WDPCP: variants seen among roughly 807,000 people sequenced by gnomAD.
WDPCP encodes the protein WD repeat containing planar cell polarity effector.
In WDPCP, 71 loss-of-function variants were observed where a neutral mutation model predicts 93.1. The ratio of observed to expected loss-of-function variants is 0.76; its 90% CI spans 0.63 to 0.93. The LOEUF (loss-of-function observed/expected upper bound fraction) is 0.93. WDPCP is among the 40% of genes least tolerant of loss of function. WDPCP has a pLI of 0.00. For synonymous variants in WDPCP, 315 were observed against 315.0 expected, an observed-to-expected ratio of 1.00 and a Z score of 0.00; for missense variants, 844 against 887.4, an observed-to-expected ratio of 0.95 and a Z score of 0.62.
chr2:63,809,133 C>T (rs1229637130), intron 2 of WDPCP, among the ~76,000 whole-genome samples: 52 of 149,596 alleles, frequency 3.5e-4, no homozygotes, highest in Admixed American at 3.2e-3. Flanking sequence ...AAGTGAGGAG[C>T]CCCTCCGCCC....
intron 14 of WDPCP, among the ~76,000 whole-genome samples, chr2:63,231,430 C>A (rs889266097): frequency 6.6e-6 from 1 of 152,084 alleles, no homozygotes; most frequent in Admixed American, 6.6e-5. Flanking sequence ...TTTAGAAAAC[C>A]CCATCATCTC....
At chr2:63,363,176 C>T (rs1489987845) in intron 12 of WDPCP, among the ~76,000 whole-genome samples, 1 of 151,988 alleles carries the variant, frequency 6.6e-6, no homozygotes, top group Non-Finnish European at 1.5e-5. Context: ...ATATCACTTC[C>T]ACTTTGCAAT....
At chr2:63,749,111 G>T (rs1246552647) in intron 2 of WDPCP, among the ~76,000 whole-genome samples, 1 of 152,054 alleles carries the variant, frequency 6.6e-6, no homozygotes, top group East Asian at 1.9e-4. Flanking sequence ...ACAAGAAAGG[G>T]ATGGGTTTAT....
At chr2:63,606,089 A>G in intron 3 of WDPCP, 1 of 1,461,434 alleles carries the variant, frequency 6.8e-7, no homozygotes, top group Non-Finnish European at 9.6e-7. Flanking sequence ...TCTCTTAAGA[A>G]TGGTATTATT....
chr2:63,458,622 C>A lies in WDPCP; in HGVS notation c.385-18751G>T, dbSNP rs746536200. Among the ~76,000 whole-genome samples the A allele has an allele frequency of 2.0e-5, 3 of 152,078 alleles. No individual in the cohort carries two copies. In the East Asian group the frequency reaches 5.8e-4, roughly 29 times the overall value. ...AAACAAGTGAAAAGAAAATACCATG[C>A]TCATGGATTAAAAGAATTAACATAG... is the stretch of plus-strand genomic sequence containing the variant. On this transcript the variant is annotated intron_variant, in intron 6 of 17. Coordinates refer to ENST00000272321, the MANE Select transcript of WDPCP (RefSeq NM_015910.7).
intron 12 of WDPCP, among the ~76,000 whole-genome samples, chr2:63,354,714 ATGTGTGTGTG>A (rs150962868): frequency 6.7e-6 from 1 of 149,854 alleles, no homozygotes; most frequent in African/African-American, 2.5e-5. Flanking sequence ...GTATATATGT[ATGTGTGTGTG>A]TGTGTGTGTG....
chr2:63,484,590 T>A lies in WDPCP; in HGVS notation c.384+14A>T. Reference sequence around the variant, plus strand: ...ATTGGTTAAACACTGCAAAGGCTTGTCAAATCATTTTACCTGACAGACATA... The same window carrying A: ...ATTGGTTAAACACTGCAAAGGCTTGACAAATCATTTTACCTGACAGACATA... On this transcript the variant is annotated intron_variant, in intron 6 of 17. Transcript: ENST00000272321. 1 of 1,612,664 alleles carries A rather than the reference T, an allele frequency of 6.2e-7. No individual in the cohort carries two copies. Among genetic ancestry groups the A allele is most frequent in the Non-Finnish European group, 8.5e-7 (1 of 1,179,064 alleles).
intron 1 of WDPCP, among the ~76,000 whole-genome samples, chr2:63,570,081 T>G (rs1031735970): frequency 1.3e-5 from 2 of 152,194 alleles, no homozygotes; most frequent in Non-Finnish European, 2.9e-5. Flanking sequence ...GTGCTGAGAC[T>G]AAAATCACAA....
intron 1 of WDPCP, among the ~76,000 whole-genome samples, chr2:63,820,233 T>C (rs958544109): frequency 3.3e-5 from 5 of 151,512 alleles, no homozygotes; most frequent in African/African-American, 1.2e-4. Context: ...ATGAATAGTT[T>C]AGTTAGGAAC....
intron 2 of WDPCP, among the ~76,000 whole-genome samples, chr2:63,673,631 T>C (rs1710371855): frequency 6.6e-6 from 1 of 152,080 alleles, no homozygotes. Context: ...GAAAAGCACA[T>C]CTCCATGCCC....
At chr2:63,243,256 T>C (rs4453673) in intron 14 of WDPCP, among the ~76,000 whole-genome samples, 58,127 of 152,000 alleles carry the variant, frequency 0.38, 13,182 homozygotes, top group Non-Finnish European at 0.5. Flanking sequence ...GAGTGTCTCA[T>C]TGTGGTTTTG....
At chr2:63,379,962 T>C (rs1024879560) in intron 11 of WDPCP, among the ~76,000 whole-genome samples, 2 of 152,182 alleles carry the variant, frequency 1.3e-5, no homozygotes, top group African/African-American at 4.8e-5. Context: ...ACAAGCTTTT[T>C]ATTTCCCTAT....
rs140269206 is a variant in WDPCP at position 63,657,162 on chromosome 2, T to C, written n.309-6324A>G. Among the ~76,000 whole-genome samples the C allele has an allele frequency of 3.2e-3, 478 of 148,062 alleles. 3 individuals carry two copies. The highest frequency in any genetic ancestry group is 0.014 in the Middle Eastern group (4 of 280). On this transcript the variant is annotated intron_variant and non_coding_transcript_variant, in intron 2 of 4. Coordinates refer to the WDPCP transcript ENST00000467687. ...TTATTATAATTATGGCTGTGAATTATTGGGGAGGGTTTTGCGTACAGATGA... is the reference window on the plus strand; with the variant it reads ...TTATTATAATTATGGCTGTGAATTACTGGGGAGGGTTTTGCGTACAGATGA...
In WDPCP at chr2:63,767,001, C is replaced by A. The variant is rs572673967; in HGVS notation, n.308+46621G>T. On this transcript the variant is annotated intron_variant and non_coding_transcript_variant, in intron 2 of 4. Coordinates refer to the WDPCP transcript ENST00000467687. ...GTCCTTTTTTAATGCCACCTTCTTG[C>A]CCCACCCTCACCCCATCCCCAGACA... Among the ~76,000 whole-genome samples the A allele has an allele frequency of 2.0e-5, 3 of 152,122 alleles. No homozygotes were observed. The South Asian group carries it at 6.2e-4, about 32-fold the overall frequency.
chr2:63,210,424 A>C (rs1676683301), intron 14 of WDPCP, among the ~76,000 whole-genome samples: 1 of 152,206 alleles, frequency 6.6e-6, no homozygotes, highest in Non-Finnish European at 1.5e-5. Context: ...AATTTGTGTA[A>C]ATTAACTTTA....
intron 15 of WDPCP, among the ~76,000 whole-genome samples, chr2:63,171,027 A>C (rs773854357): frequency 2.0e-5 from 3 of 152,154 alleles, no homozygotes; most frequent in Non-Finnish European, 4.4e-5. Context: ...TATGTACTAC[A>C]TAATGACCTT....
At chr2:63,542,519 G>C (rs1406348677) in intron 1 of WDPCP, among the ~76,000 whole-genome samples, 1 of 152,132 alleles carries the variant, frequency 6.6e-6, no homozygotes, top group Non-Finnish European at 1.5e-5. Context: ...GGTTATATCT[G>C]CAAAGCAGCA....
At chr2:63,127,662 CATATATATATATATATATAT>C (rs67091232) in intron 17 of WDPCP, among the ~76,000 whole-genome samples, 28 of 131,708 alleles carry the variant, frequency 2.1e-4, no homozygotes, top group African/African-American at 6.6e-4. Flanking sequence ...TGTGTATGTG[CATATATATATATATATATAT>C]ATATATATAT....
chr2:63,353,558 A>G (rs541748239), intron 12 of WDPCP, among the ~76,000 whole-genome samples: 188 of 152,264 alleles, frequency 1.2e-3, no homozygotes, highest in Middle Eastern at 6.8e-3. Flanking sequence ...GGAGAGTCCA[A>G]GCTGACCAGG....
Sources: gnomAD v4.1 joint callset for allele counts (sites outside exome capture counted in the v4.1 genomes callset) on GRCh38, gnomAD v4.1.1 for gene constraint, MANE v1.5 for transcripts, NCBI Gene and HGNC (gene_info 2026-07-23, HGNC 2026-07-21) for gene names.